FAM171B: variants seen among roughly 807,000 people sequenced by gnomAD.
FAM171B encodes family with sequence similarity 171 member B, also known as protein FAM171B.
Under a neutral mutation model 75.6 loss-of-function variants are expected in FAM171B, and 19 were observed. The ratio of observed to expected loss-of-function variants is 0.25; its 90% CI spans 0.18 to 0.37. FAM171B has a LOEUF of 0.37. Among genes scored for constraint, FAM171B ranks in the 10% least tolerant of loss-of-function variants. The probability of loss-of-function intolerance (pLI) is 1.00; values close to 1 mark genes in which losing one functional copy is unlikely to be tolerated. For synonymous variants in FAM171B, 367 were observed against 361.7 expected (o/e 1.01, Z -0.17); for missense variants, 848 against 982.4 (o/e 0.86, Z 1.83).
intron 1 of FAM171B, among the ~76,000 whole-genome samples, chr2:186,701,241 C>CATATT (rs775434683): frequency 2.6e-5 from 4 of 152,170 alleles, no homozygotes; most frequent in South Asian, 4.1e-4. Flanking sequence ...TTAAATTGTA[C>CATATT]ATATTATATT....
At chr2:186,749,416 G>A (rs1690418385) in intron 4 of FAM171B, among the ~76,000 whole-genome samples, 1 of 152,194 alleles carries the variant, frequency 6.6e-6, no homozygotes, top group Non-Finnish European at 1.5e-5. Flanking sequence ...TGGTTTTACT[G>A]AGTAGTTTGA....
intron 4 of FAM171B, among the ~76,000 whole-genome samples, chr2:186,749,381 C>T (rs946752231): frequency 2.0e-5 from 3 of 152,104 alleles, no homozygotes; most frequent in Non-Finnish European, 2.9e-5. Flanking sequence ...GAGGTTGAAG[C>T]AGGTACTTCA....
At chr2:186,704,794 T>TA (rs1345397897) in intron 1 of FAM171B, among the ~76,000 whole-genome samples, 1 of 152,210 alleles carries the variant, frequency 6.6e-6, no homozygotes, top group Non-Finnish European at 1.5e-5. Context: ...TATGCATCGA[T>TA]AAAGCTTGGC....
chr2:186,721,217 G>A (rs1689948098), intron 1 of FAM171B, among the ~76,000 whole-genome samples: 1 of 152,074 alleles, frequency 6.6e-6, no homozygotes, highest in African/African-American at 2.4e-5. Flanking sequence ...CCATCCATCT[G>A]CAGTGATTTT....
chr2:186,735,520 C>G (rs1690187043), intron 1 of FAM171B, among the ~76,000 whole-genome samples: 1 of 152,206 alleles, frequency 6.6e-6, no homozygotes, highest in South Asian at 2.1e-4. Context: ...TCACATCCTC[C>G]TAACCCGATG....
intron 1 of FAM171B, among the ~76,000 whole-genome samples, chr2:186,706,744 T>C (rs1167552276): frequency 6.6e-6 from 1 of 152,222 alleles, no homozygotes; most frequent in Non-Finnish European, 1.5e-5. Context: ...ATGCAGCGAC[T>C]GTACATGTTC....
At position 186,711,023 on chromosome 2, in the gene FAM171B, T is replaced by A. The variant is rs796679609; in HGVS notation, c.238+16612T>A. 1.1e-4 allele frequency among the ~76,000 whole-genome samples: 16 copies of A among 151,946 alleles called. 1 individual carries two copies. The highest frequency in any genetic ancestry group is 2.7e-4 in the African/African-American group (11 of 41,486). On this transcript the variant is annotated intron_variant, in intron 1 of 7. Transcript: ENST00000304698. ...TTTTCAGTGTACAAGTCATACTTTT[T>A]AAAAAAAATGGTAATGGTAAAACAA...
chr2:186,717,486 A>G (rs191854061), intron 1 of FAM171B, among the ~76,000 whole-genome samples: 4 of 152,282 alleles, frequency 2.6e-5, no homozygotes, highest in Admixed American at 2.0e-4. Context: ...ACTGACTTTA[A>G]AAGTTCATTT....
chr2:186,695,620 C>A (rs1689568202), intron 1 of FAM171B, among the ~76,000 whole-genome samples: 1 of 152,180 alleles, frequency 6.6e-6, no homozygotes, highest in South Asian at 2.1e-4. Context: ...TTTAATTTAT[C>A]AGAGTGCTCT....
In FAM171B at chr2:186,734,135, G is replaced by C. The variant is rs189702192; in HGVS notation, c.239-6093G>C. On this transcript the variant is annotated intron_variant, in intron 1 of 7. Coordinates refer to ENST00000304698, the MANE Select transcript of FAM171B (RefSeq NM_177454.4). ...GTGAAAGTAGAGCTCTCAGGAGACT[G>C]TAGGATGGGTGTTATCAGTGTAGGT... Among the ~76,000 whole-genome samples the C allele has an allele frequency of 2.0e-5, 3 of 152,302 alleles. No homozygotes were observed. In the East Asian group the frequency reaches 5.8e-4, roughly 29 times the overall value.
At chr2:186,758,189 G>C (rs976693) in intron 6 of FAM171B, among the ~76,000 whole-genome samples, 141,260 of 152,190 alleles carry the variant, frequency 0.93, 66,172 homozygotes, top group Non-Finnish European at 1. Flanking sequence ...TCATTTAATC[G>C]TCAGCAGCTC....
chr2:186,756,693 C>G (rs769764850), intron 6 of FAM171B, among the ~76,000 whole-genome samples: 1 of 152,126 alleles, frequency 6.6e-6, no homozygotes, highest in Non-Finnish European at 1.5e-5. Flanking sequence ...TATCTACCTA[C>G]AGTTTGCGTC....
chr2:186,737,581 A>G (rs1196111031), intron 1 of FAM171B, among the ~76,000 whole-genome samples: 1 of 152,174 alleles, frequency 6.6e-6, no homozygotes, highest in African/African-American at 2.4e-5. Flanking sequence ...GCCTCAAGCA[A>G]TCCTCCTGCC....
At chr2:186,703,290 A>G (rs1689689505) in intron 1 of FAM171B, among the ~76,000 whole-genome samples, 1 of 152,156 alleles carries the variant, frequency 6.6e-6, no homozygotes, top group Admixed American at 6.5e-5. Flanking sequence ...TGAGATGTAG[A>G]ACGTTTACTT....
chr2:186,724,855 G>C (rs767591375), intron 1 of FAM171B, among the ~76,000 whole-genome samples: 1 of 152,186 alleles, frequency 6.6e-6, no homozygotes, highest in Non-Finnish European at 1.5e-5. Flanking sequence ...CAGAGATGCA[G>C]TGGGCTCAGA....
At chr2:186,735,025 G>A (rs1261045489) in intron 1 of FAM171B, among the ~76,000 whole-genome samples, 2 of 152,210 alleles carry the variant, frequency 1.3e-5, no homozygotes, top group Non-Finnish European at 2.9e-5. Flanking sequence ...AGGGATGCTG[G>A]GGTCTGCAGC....
chr2:186,700,115 C>T (rs560398537), intron 1 of FAM171B, among the ~76,000 whole-genome samples: 3 of 151,116 alleles, frequency 2.0e-5, no homozygotes, highest in African/African-American at 2.4e-5. Context: ...CTATTTGGAG[C>T]CTTTTGTGGT....
chr2:186,743,708 A>G, intron 3 of FAM171B, 133 bp downstream of exon 3: 2 of 610,042 alleles, frequency 3.3e-6, no homozygotes, highest in Non-Finnish European at 2.9e-6. Context: ...ACTGACTATA[A>G]GTTGATCTGA....
intron 1 of FAM171B, among the ~76,000 whole-genome samples, chr2:186,730,413 A>G (rs959246560): frequency 1.3e-5 from 2 of 152,246 alleles, no homozygotes; most frequent in Non-Finnish European, 2.9e-5. Context: ...GTATGTATGT[A>G]TAAAACCTGT....
Sources: allele counts gnomAD v4.1 joint callset (sites outside exome capture counted in the v4.1 genomes callset), GRCh38; gene constraint gnomAD v4.1.1; transcripts MANE v1.5; gene names NCBI Gene and HGNC (gene_info 2026-07-23, HGNC 2026-07-21).